GMDS: variants seen among roughly 807,000 people sequenced by gnomAD.
GMDS encodes GDP-mannose 4,6-dehydratase.
In GMDS, 20 loss-of-function variants were observed where a neutral mutation model predicts 49.9. The observed-to-expected ratio is 0.40, with a 90% CI of 0.28 to 0.58. GMDS has a LOEUF of 0.58. Among genes scored for constraint, GMDS ranks in the 20% least tolerant of loss-of-function variants. The pLI is 0.42. For missense variants in GMDS, 362 were observed against 481.4 expected (o/e 0.75, Z 2.32); for synonymous variants, 177 against 178.6 (o/e 0.99, Z 0.07).
At chr6:2,233,630 G>A (rs1395928472) in intron 1 of GMDS, among the ~76,000 whole-genome samples, 2 of 152,178 alleles carry the variant, frequency 1.3e-5, no homozygotes, top group Non-Finnish European at 2.9e-5. Flanking sequence ...GACCAGCCTG[G>A]CCAACATGGA....
intron 1 of GMDS, among the ~76,000 whole-genome samples, chr6:2,141,704 G>A (rs1776295926): frequency 6.6e-6 from 1 of 152,202 alleles, no homozygotes; most frequent in Non-Finnish European, 1.5e-5. Flanking sequence ...TCAAGGAAAG[G>A]TGACCAGGTA....
intron 7 of GMDS, among the ~76,000 whole-genome samples, chr6:1,925,791 T>C (rs565183457): frequency 1.3e-5 from 2 of 152,188 alleles, no homozygotes; most frequent in Admixed American, 6.5e-5. Context: ...GCCCACGGAC[T>C]AGGTGAGGAC....
intron 1 of GMDS, among the ~76,000 whole-genome samples, chr6:2,206,519 T>G (rs930381389): frequency 6.6e-6 from 1 of 152,182 alleles, no homozygotes; most frequent in African/African-American, 2.4e-5. Flanking sequence ...AGGAAACAAG[T>G]TGAACAGAGT....
chr6:2,169,626 AAAAAAAAAAAC>A (rs1193780759), intron 1 of GMDS, among the ~76,000 whole-genome samples: 1 of 151,786 alleles, frequency 6.6e-6, no homozygotes, highest in Admixed American at 6.6e-5. Flanking sequence ...GGCAGCAAAA[AAAAAAAAAAAC>A]AAAAAAAAAG....
chr6:1,973,935 G>C (rs1291571771), intron 4 of GMDS, among the ~76,000 whole-genome samples: 51 of 152,258 alleles, frequency 3.3e-4, no homozygotes, highest in East Asian at 1.9e-4. Context: ...GTAGAGCTAA[G>C]GCTTCTAGGC....
chr6:1,891,776 G>A (rs1189253168), intron 7 of GMDS, among the ~76,000 whole-genome samples: 2 of 152,152 alleles, frequency 1.3e-5, no homozygotes, highest in African/African-American at 4.8e-5. Flanking sequence ...CAAAATCAGT[G>A]TTTTAACAAG....
intron 7 of GMDS, among the ~76,000 whole-genome samples, chr6:1,800,989 G>A (rs1252532107): frequency 6.6e-6 from 1 of 152,186 alleles, no homozygotes; most frequent in Non-Finnish European, 1.5e-5. Flanking sequence ...CTGTTTCAGG[G>A]TAGTGAATGT....
chr6:2,229,145 C>T lies in GMDS; in HGVS notation c.102+16176G>A, dbSNP rs148821521. On this transcript the variant is annotated intron_variant, in intron 1 of 10. Coordinates refer to ENST00000380815, the MANE Select transcript of GMDS (RefSeq NM_001500.4). ...CACTGTCCAGAGGTAGGACACTGCC[C>T]GCATCCAGTCTGGTATACAAGAAAA... is the stretch of plus-strand genomic sequence containing the variant. Among the ~76,000 whole-genome samples the T allele has an allele frequency of 9.2e-3, 1,393 of 152,186 alleles. 15 individuals are homozygous for T. Among genetic ancestry groups the T allele is most frequent in the Admixed American group, 0.022 (336 of 15,296 alleles).
At chr6:1,814,915 T>C (rs1410594214) in intron 7 of GMDS, among the ~76,000 whole-genome samples, 1 of 152,224 alleles carries the variant, frequency 6.6e-6, no homozygotes, top group Non-Finnish European at 1.5e-5. Context: ...CTGTATTTAA[T>C]TGACTTGTAC....
Position 2,068,216 on chromosome 6 carries a change from C to T in GMDS, c.345+47555G>A, listed in dbSNP as rs139632635. On this transcript the variant is annotated intron_variant, in intron 4 of 10. Coordinates refer to ENST00000380815, the MANE Select transcript of GMDS (RefSeq NM_001500.4). ...AAAGGCCTTTGACAAAACTCAACAACGCTTCATGCTAAAAACTCCCAATAA... is the reference window on the plus strand; with the variant it reads ...AAAGGCCTTTGACAAAACTCAACAATGCTTCATGCTAAAAACTCCCAATAA... Among the ~76,000 whole-genome samples the T allele has an allele frequency of 8.2e-3, 1,253 of 152,244 alleles. 18 individuals carry two copies. Among genetic ancestry groups the T allele is most frequent in the African/African-American group, 0.028 (1,166 of 41,544 alleles).
chr6:1,644,285 A>G (rs1282731675), intron 9 of GMDS, among the ~76,000 whole-genome samples: 1 of 152,320 alleles, frequency 6.6e-6, no homozygotes, highest in African/African-American at 2.4e-5. Flanking sequence ...AGCTGTGACT[A>G]GGGCCTGTCA....
At chr6:1,798,123 C>T (rs1251400352) in intron 7 of GMDS, among the ~76,000 whole-genome samples, 1 of 152,120 alleles carries the variant, frequency 6.6e-6, no homozygotes, top group Non-Finnish European at 1.5e-5. Flanking sequence ...TCAGTTTGTA[C>T]CAGCTTCAGA....
chr6:1,824,462 C>T (rs1427375096), intron 7 of GMDS, among the ~76,000 whole-genome samples: 2 of 152,168 alleles, frequency 1.3e-5, no homozygotes, highest in Non-Finnish European at 2.9e-5. Context: ...AATACGTCCA[C>T]ACTTTTTTTG....
chr6:1,726,398 T>C lies in GMDS; in HGVS notation c.987+18A>G. ...CAGCCAAATGTGGCCACGCACTGGG[T>C]GGCCAGAGAGTCCTTACCACTTCAG... On this transcript the variant is annotated intron_variant, in intron 9 of 10. Transcript: ENST00000380815. 1.9e-6 allele frequency: 3 copies of C among 1,563,760 alleles called. No individual in the cohort carries two copies. The highest frequency in any genetic ancestry group is 2.6e-6 in the Non-Finnish European group (3 of 1,133,998).
At chr6:1,853,320 C>T (rs1465524184) in intron 7 of GMDS, among the ~76,000 whole-genome samples, 3 of 151,016 alleles carry the variant, frequency 2.0e-5, no homozygotes, top group Admixed American at 6.6e-5. Context: ...AGATCGAGAC[C>T]ATCCTGGCTA....
intron 1 of GMDS, among the ~76,000 whole-genome samples, chr6:2,230,937 T>TCCCCCCCCCC (rs1394372739): frequency 4.9e-5 from 1 of 20,594 alleles, no homozygotes; most frequent in Non-Finnish European, 8.7e-5. Context: ...TCTTCCCCCC[T>TCCCCCCCCCC]CCCACCCCCC....
chr6:2,197,653 C>T (rs188355109), intron 1 of GMDS, among the ~76,000 whole-genome samples: 1 of 152,174 alleles, frequency 6.6e-6, no homozygotes, highest in African/African-American at 2.4e-5. Context: ...TTGGCATTTT[C>T]CTCCATGCAA....
intron 1 of GMDS, among the ~76,000 whole-genome samples, chr6:2,159,739 G>A (rs757655252): frequency 2.6e-5 from 4 of 151,308 alleles, no homozygotes; most frequent in Admixed American, 1.3e-4. Context: ...AGCTGGTTTC[G>A]AACCTGACCT....
At chr6:2,059,467 G>C (rs1436082290) in intron 4 of GMDS, among the ~76,000 whole-genome samples, 1 of 150,936 alleles carries the variant, frequency 6.6e-6, no homozygotes, top group Non-Finnish European at 1.5e-5. Context: ...CCAGCACTTT[G>C]GGAGGCCGAG....
Sources: gnomAD v4.1 joint callset for allele counts (sites outside exome capture counted in the v4.1 genomes callset) on GRCh38, gnomAD v4.1.1 for gene constraint, MANE v1.5 for transcripts, NCBI Gene and HGNC (gene_info 2026-07-23, HGNC 2026-07-21) for gene names.